Variants in DNAAF1 observed in about 807,000 individuals in gnomAD.
DNAAF1 encodes dynein assembly factor 1, axonemal.
In DNAAF1, 65 loss-of-function variants were observed where a neutral mutation model predicts 71.1. That is an observed-to-expected ratio of 0.91 (90% CI 0.75 to 1.12). The LOEUF (loss-of-function observed/expected upper bound fraction) is 1.12, where lower values mean the gene tolerates loss of function less well. DNAAF1 is among the 50% of genes most tolerant of loss of function. The pLI, the probability that DNAAF1 is intolerant of heterozygous loss-of-function variation, is 0.00. For missense variants in DNAAF1, 1,178 were observed against 899.8 expected (o/e 1.31, Z -3.96); for synonymous variants, 414 against 354.6 (o/e 1.17, Z -1.88).
At chr16:84,165,052 T>A (rs1253607427) in intron 6 of DNAAF1, among the ~76,000 whole-genome samples, 1 of 152,238 alleles carries the variant, frequency 6.6e-6, no homozygotes, top group Non-Finnish European at 1.5e-5. Context: ...GCCATCTCTA[T>A]ATCTTTTTTG....
intron 6 of DNAAF1, among the ~76,000 whole-genome samples, 162 bp downstream of exon 6, chr16:84,159,958 A>G (rs945285270): frequency 1.4e-5 from 2 of 147,000 alleles, no homozygotes. Flanking sequence ...TGGGAATTTG[A>G]GCACTTATTC....
chr16:84,145,989 T>A (rs1280783917), intron 1 of DNAAF1, among the ~76,000 whole-genome samples: 1 of 151,996 alleles, frequency 6.6e-6, no homozygotes, highest in African/African-American at 2.4e-5. Flanking sequence ...CTCAGCTACT[T>A]GGGAGGCTGA....
chr16:84,168,617 C>A lies in DNAAF1; in HGVS notation c.1031-1242C>A, dbSNP rs1022745113. On this transcript the variant is annotated intron_variant, in intron 7 of 11. Coordinates refer to ENST00000378553, the MANE Select transcript of DNAAF1 (RefSeq NM_178452.6). The stretch of plus-strand genomic sequence containing the variant: ...ATATAAAAATGGCAGAAATATGTTG[C>A]TTCCTGTCTAGTCTTTTGAATTAGC... Among the ~76,000 whole-genome samples, 9 of 152,160 alleles carry A rather than the reference C, an allele frequency of 5.9e-5. No individual in the cohort carries two copies. The South Asian group carries it at 1.9e-3, about 32-fold the overall frequency.
At position 84,150,339 on chromosome 16, in the gene DNAAF1, A is replaced by C; in HGVS notation, c.349A>C (p.Lys117Gln). Reference protein sequence around the residue: ...ALNDTLYLHFKGFDRIENLEE... With the variant: ...ALNDTLYLHFQGFDRIENLEE... The stretch of plus-strand genomic sequence containing the variant: ...GAATGATACGCTGTATTTACACTTT[A>C]AAGGTAAGGACCTAAGAGAGGAAGT... The change falls in exon 3 of 12, where the codon AAA becomes CAA. Residue 117 changes from lysine to glutamine, a missense_variant. Physicochemically the swap from Lys to Gln is moderately conservative, Grantham distance 53 (BLOSUM62 1). Transcript: ENST00000378553. 1.2e-6 allele frequency: 2 copies of C among 1,607,914 alleles called. No homozygotes were observed. The highest frequency in any genetic ancestry group is 1.7e-6 in the Non-Finnish European group (2 of 1,174,334).
chr16:84,146,243 A>G (rs1343195188), intron 1 of DNAAF1, among the ~76,000 whole-genome samples: 3 of 152,246 alleles, frequency 2.0e-5, no homozygotes, highest in African/African-American at 7.2e-5. Context: ...TATTGCTATC[A>G]CTATGTAAGA....
At chr16:84,165,726 G>C in intron 6 of DNAAF1, 57 bp from the exon 7 acceptor site, 7 of 1,522,914 alleles carry the variant, frequency 4.6e-6, no homozygotes, top group Admixed American at 1.7e-5. Context: ...AAGTTGATCA[G>C]ACAGTGTATG....
rs773144865 is a variant in DNAAF1 at position 84,169,753 on chromosome 16, C to T, written c.1031-106C>T. On this transcript the variant is annotated intron_variant, in intron 7 of 11. Transcript: ENST00000378553. ...GACACTTTTTTAACTGTGTTCCTGA[C>T]CTTTTCCCTGGTCTCAGAAGTTTGC... 3.3e-6 allele frequency: 5 copies of T among 1,518,496 alleles called. No individual in the cohort carries two copies. In the African/African-American group the frequency reaches 6.9e-5, roughly 21 times the overall value. The allele number at this position is 1,518,496 out of a possible 1,614,324, so 94.1% of individuals were successfully genotyped here.
chr16:84,164,356 C>T (rs923400347), intron 6 of DNAAF1, among the ~76,000 whole-genome samples: 6 of 152,204 alleles, frequency 3.9e-5, no homozygotes, highest in Non-Finnish European at 8.8e-5. Context: ...CTGTATCCCC[C>T]ATCACAGTAT....
intron 1 of DNAAF1, 43 bp from the exon 2 acceptor site, chr16:84,148,964 A>T: frequency 6.2e-7 from 1 of 1,611,756 alleles, no homozygotes; most frequent in Non-Finnish European, 8.5e-7. Context: ...ATTTTTTGGC[A>T]TATATCTTGA....
chr16:84,172,912 C>T, intron 9 of DNAAF1: 1 of 1,006,654 alleles, frequency 9.9e-7, no homozygotes, highest in Non-Finnish European at 1.2e-6. Context: ...TTGCCTGTCA[C>T]TCTTCCCTGA....
At chr16:84,166,095 C>A (rs2087972630) in intron 7 of DNAAF1, 146 bp downstream of exon 7, 1 of 1,151,888 alleles carries the variant, frequency 8.7e-7, no homozygotes, top group Non-Finnish European at 1.2e-6. Context: ...ACTGAGGTTG[C>A]AAAGTTGGAG....
At chr16:84,171,514 C>T (rs889945105) in intron 8 of DNAAF1, among the ~76,000 whole-genome samples, 4 of 152,264 alleles carry the variant, frequency 2.6e-5, no homozygotes, top group South Asian at 2.1e-4. Flanking sequence ...AGGGGCTCCT[C>T]GCGATTCCAC....
At chr16:84,176,433 A>C in intron 11 of DNAAF1, 134 bp downstream of exon 11, 1 of 1,339,970 alleles carries the variant, frequency 7.5e-7, no homozygotes, top group Non-Finnish European at 1.0e-6. Flanking sequence ...CAGACCACAC[A>C]GATCCTCTGA....
intron 5 of DNAAF1, chr16:84,158,909 T>G (rs981775432): frequency 5.9e-5 from 24 of 407,950 alleles, no homozygotes; most frequent in Admixed American, 3.2e-4. Flanking sequence ...TTTTGTATTT[T>G]TAGTAGAGAT....
intron 4 of DNAAF1, among the ~76,000 whole-genome samples, chr16:84,155,130 G>A (rs8050706): frequency 2.3e-4 from 35 of 152,198 alleles, no homozygotes; most frequent in South Asian, 6.2e-4. Flanking sequence ...GGATGGTCTC[G>A]ATCTCCTGAC....
rs1017412114 is a variant in DNAAF1 at position 84,176,161 on chromosome 16, C to T, written c.1927C>T (p.Pro643Ser). 1 of 1,614,100 alleles carries T rather than the reference C, an allele frequency of 6.2e-7. No homozygotes were observed. The highest frequency in any genetic ancestry group is 1.7e-5 in the Admixed American group (1 of 60,018). ...AATCCGAAAACAAGACACCAAGTCC[C>T]CAAGACCCCTGATCCAGGAGCTCAG... ...LEIRKQDTKS[P>S]RPLIQELSDE... Residue 643 changes from proline to serine, a missense_variant, in exon 11 of 12, where the codon CCA becomes TCA. Physicochemically the swap from Pro to Ser is moderately conservative, Grantham distance 74 (BLOSUM62 -1). Transcript: ENST00000378553.
At position 84,170,365 on chromosome 16, in the gene DNAAF1, A is replaced by T; in HGVS notation, c.1528+9A>T. The T allele has an allele frequency of 6.2e-7, 1 of 1,613,646 alleles. No homozygotes were observed. The highest frequency in any genetic ancestry group is 2.2e-5 in the East Asian group (1 of 44,886). On this transcript the variant is annotated intron_variant, in intron 8 of 11. Transcript: ENST00000378553. ...GGGAGCTGCCAGGGAAGGTAATGTG[A>T]GCGGAGAAACACACACAGACACACA... is the stretch of plus-strand genomic sequence containing the variant.
chr16:84,149,371 T>C (rs1030458621), intron 2 of DNAAF1, among the ~76,000 whole-genome samples: 5 of 152,138 alleles, frequency 3.3e-5, no homozygotes, highest in African/African-American at 1.2e-4. Flanking sequence ...CATGACACCA[T>C]TTAAAGTATT....
intron 4 of DNAAF1, 21 bp downstream of exon 4, chr16:84,154,819 G>GACACACTGCTTGC: frequency 6.3e-7 from 1 of 1,591,700 alleles, no homozygotes; most frequent in Non-Finnish European, 8.6e-7. Flanking sequence ...CCAGCAAGCA[G>GACACACTGCTTGC]TGTGTCTGTT....
Sources: gnomAD v4.1 joint callset for allele counts (sites outside exome capture counted in the v4.1 genomes callset) on GRCh38, gnomAD v4.1.1 for gene constraint, MANE v1.5 for transcripts, NCBI Gene and HGNC (gene_info 2026-07-23, HGNC 2026-07-21) for gene names.